The following MAG variants were observed in gnomAD, a reference collection of about 807,000 sequenced individuals.
MAG encodes the protein myelin associated glycoprotein, also known as myelin-associated glycoprotein.
MAG carries 30 observed loss-of-function variants against 60.7 expected under a neutral mutation model. The ratio of observed to expected loss-of-function variants is 0.49; its 90% confidence interval spans 0.37 to 0.67. MAG has a LOEUF of 0.67. Ranked by LOEUF, MAG falls within the 30% of genes least tolerant of loss-of-function variation. MAG has a pLI of 0.00. For synonymous variants in MAG, 384 were observed against 376.8 expected (o/e 1.02, Z -0.22); for missense variants, 795 against 851.7 (o/e 0.93, Z 0.83).
Position 35,295,756 on chromosome 19 carries a change from C to T in MAG, c.190C>T (p.Pro64Ser). 6.2e-7 allele frequency: 1 copy of T among 1,613,960 alleles called. No individual in the cohort carries two copies. The highest frequency in any genetic ancestry group is 2.2e-5 in the East Asian group (1 of 44,882). Residue 64 changes from proline (P) to serine (S), a missense_variant, in exon 4 of 11, where the codon CCC becomes TCC. By Grantham distance (74) the Pro-to-Ser change is moderately conservative. Coordinates refer to ENST00000392213, the MANE Select transcript of MAG (RefSeq NM_002361.4). The surrounding 1 kb of genome is among the most constrained non-coding windows in gnomAD (Gnocchi z 5.8). Reference sequence around the variant, plus strand: ...GCATGGTGTCTGGTACTTCAATAGCCCCTACCCCAAGAACTACCCCCCGGT... The same window carrying T: ...GCATGGTGTCTGGTACTTCAATAGCTCCTACCCCAAGAACTACCCCCCGGT... ...VVHGVWYFNS[P>S]YPKNYPPVVF...
chr19:35,293,861 C>T lies in MAG; in HGVS notation c.-79-374C>T, dbSNP rs2066376055. Among the ~76,000 whole-genome samples, 1 of 152,042 alleles carries T rather than the reference C, an allele frequency of 6.6e-6. No individual in the cohort carries two copies. The highest frequency in any genetic ancestry group is 6.6e-5 in the Admixed American group (1 of 15,262). On this transcript the variant is annotated intron_variant, in intron 1 of 10. Coordinates refer to ENST00000392213, the MANE Select transcript of MAG (RefSeq NM_002361.4). This position sits in a 1 kb window ranked among gnomAD's most constrained non-coding sequence, Gnocchi z 4.0. Reference sequence around the variant, plus strand: ...GGGGTGGGAGAGGGCGGCAGGAATTCACGCGGCATGTCGGGAATGCTGATA... The same window carrying T: ...GGGGTGGGAGAGGGCGGCAGGAATTTACGCGGCATGTCGGGAATGCTGATA...
chr19:35,300,065 GGGGGC>G lies in MAG; in HGVS notation c.713-76_713-72del, dbSNP rs2066436404. ...GCTGAGGGCGGGGCCGGACAGTGTTGGGGGCGGGGCCGGGCTGGGAGAGGGCACTG... is the reference window on the plus strand; with the variant it reads ...GCTGAGGGCGGGGCCGGACAGTGTTGGGGGCCGGGCTGGGAGAGGGCACTG... On this transcript the variant is annotated intron_variant, in intron 5 of 10. Transcript: ENST00000392213. 9 of 1,434,388 alleles carry G rather than the reference GGGGGC, an allele frequency of 6.3e-6. No individual in the cohort carries two copies. The East Asian group carries it at 2.2e-4, about 36-fold the overall frequency. The allele number at this position is 1,434,388 out of a possible 1,614,324, so 88.9% of individuals were successfully genotyped here. A position where few individuals can be genotyped will look rare whatever the true frequency, so the allele number is the denominator to read the frequency against.
chr19:35,310,035 C>T lies in MAG; in HGVS notation c.1393C>T (p.Arg465Cys), dbSNP rs2066514711. The T allele has an allele frequency of 1.9e-6, 3 of 1,613,778 alleles. No homozygotes were observed. Among genetic ancestry groups the T allele is most frequent in the African/African-American group, 1.3e-5 (1 of 74,934 alleles). ...ESEREFVYSE[R>C]SGLVLTSILT... ...CGAGCGGGAGTTCGTGTACTCGGAG[C>T]GCAGCGGCCTCGTGCTCACCAGCAT... The change falls in exon 8 of 11, where the codon CGC becomes TGC. Residue 465 changes from arginine (R) to cysteine (C), a missense_variant. Coordinates refer to ENST00000392213, the MANE Select transcript of MAG (RefSeq NM_002361.4).
intron 10 of MAG, 164 bp downstream of exon 10, chr19:35,312,181 G>A (rs775092857): frequency 2.3e-6 from 3 of 1,311,772 alleles, no homozygotes; most frequent in Non-Finnish European, 3.3e-6. Flanking sequence ...TGGGGAGGAG[G>A]TGCCCAGGCC....
At chr19:35,302,097 G>C (rs1391364482) in intron 6 of MAG, among the ~76,000 whole-genome samples, 2 of 148,274 alleles carry the variant, frequency 1.3e-5, no homozygotes, top group East Asian at 3.9e-4. Flanking sequence ...GTTCAAGCTA[G>C]AGCAATGCCT....
Position 35,309,915 on chromosome 19 carries a change from C to T in MAG, c.1273C>T (p.Arg425Ter). The T allele has an allele frequency of 6.2e-7, 1 of 1,613,628 alleles. No individual in the cohort carries two copies. The highest frequency in any genetic ancestry group is 1.7e-5 in the Admixed American group (1 of 60,018). ...CCTGGAGTCCCACTGCGCGGCAGCC[C>T]GAGACACGGTGCAGTGCCTGTGCGT... is the stretch of plus-strand genomic sequence containing the variant. ...LLLESHCAAA[R>*]DTVQCLCVVK... Residue 425 changes from arginine (R) to a stop codon, truncating the protein, a stop_gained, in exon 8 of 11, where the codon CGA becomes TGA. Coordinates refer to ENST00000392213, the MANE Select transcript of MAG (RefSeq NM_002361.4). LOFTEE classifies it high-confidence loss of function.
At chr19:35,294,033 C>T (rs1469908103) in intron 1 of MAG, among the ~76,000 whole-genome samples, 2 of 152,162 alleles carry the variant, frequency 1.3e-5, no homozygotes, top group African/African-American at 4.8e-5. Context: ...TCCCTCCCCA[C>T]AGTTCTCTGA....
chr19:35,312,139 G>A lies in MAG; in HGVS notation c.1716+122G>A, dbSNP rs964699981. The A allele has an allele frequency of 1.6e-5, 20 of 1,248,160 alleles. No individual in the cohort carries two copies. The African/African-American group carries it at 2.4e-4, about 15-fold the overall frequency. The allele number at this position is 1,248,160 out of a possible 1,614,324, so 77.3% of individuals were successfully genotyped here. On this transcript the variant is annotated intron_variant, in intron 10 of 10. Transcript: ENST00000392213. Reference sequence around the variant, plus strand: ...GCGGCCTCTCACAGGAGGAGAGGAAGGACATTCCAGGGCTGGGTTGGACCT... The same window carrying A: ...GCGGCCTCTCACAGGAGGAGAGGAAAGACATTCCAGGGCTGGGTTGGACCT...
Position 35,295,294 on chromosome 19 carries a change from A to C in MAG, c.-23-92A>C. 1.1e-6 allele frequency: 1 copy of C among 909,806 alleles called. No individual in the cohort carries two copies. The highest frequency in any genetic ancestry group is 1.7e-6 in the Non-Finnish European group (1 of 580,534). 56.4% of individuals were successfully genotyped at this position (909,806 alleles called of 1,614,324 possible). On this transcript the variant is annotated intron_variant, in intron 2 of 10. Coordinates refer to ENST00000392213, the MANE Select transcript of MAG (RefSeq NM_002361.4). This position sits in a 1 kb window ranked among gnomAD's most constrained non-coding sequence, Gnocchi z 5.8. Reference sequence around the variant, plus strand: ...ATAAATAAATAATAATAGCAGCAGCAGCTAACATATGAATGGGCCCCTTCC... The same window carrying C: ...ATAAATAAATAATAATAGCAGCAGCCGCTAACATATGAATGGGCCCCTTCC...
In MAG at chr19:35,310,639, A is replaced by T. The variant is rs1361835121; in HGVS notation, c.1612A>T (p.Arg538Trp). Reference protein sequence around the residue: ...AIVCYITQTRRKKNVTESPSF... With the variant: ...AIVCYITQTRWKKNVTESPSF... Reference sequence around the variant, plus strand: ...CGTCTGCTACATTACCCAGACACGCAGGAAGTGAGTGCCAGCTGGGGCTGA... The same window carrying T: ...CGTCTGCTACATTACCCAGACACGCTGGAAGTGAGTGCCAGCTGGGGCTGA... The change falls in exon 9 of 11, where the codon AGG becomes TGG. Residue 538 changes from arginine to tryptophan, a missense_variant. Physicochemically the swap from Arg to Trp is moderately radical, Grantham distance 101. Transcript: ENST00000392213. The T allele has an allele frequency of 6.2e-7, 1 of 1,613,864 alleles. No homozygotes were observed. Among genetic ancestry groups the T allele is most frequent in the Non-Finnish European group, 8.5e-7 (1 of 1,180,006 alleles).
intron 8 of MAG, 146 bp from the exon 9 acceptor site, chr19:35,310,401 G>A (rs2066518279): frequency 2.4e-6 from 2 of 834,100 alleles, no homozygotes; most frequent in South Asian, 1.7e-5. Flanking sequence ...GCCCTGGCAC[G>A]AGGAGGCTCC....
Position 35,299,848 on chromosome 19 carries a change from A to G in MAG, c.710A>G (p.Lys237Arg). 8.4e-7 allele frequency: 1 copy of G among 1,185,792 alleles called. No homozygotes were observed. Among genetic ancestry groups the G allele is most frequent in the Non-Finnish European group, 1.1e-6 (1 of 936,264 alleles). The allele number at this position is 1,185,792 out of a possible 1,614,324, so 73.5% of individuals were successfully genotyped here. Residue 237 changes from lysine (K) to arginine (R), a missense_variant and splice_region_variant, in exon 5 of 11, where the codon AAG becomes AGG. Coordinates refer to ENST00000392213, the MANE Select transcript of MAG (RefSeq NM_002361.4). ...QFEGYASMDV[K>R]YPPVIVEMNS... is the part of the protein sequence containing the mutation. The stretch of plus-strand genomic sequence containing the variant: ...GAGGGCTACGCCAGCATGGACGTCA[A>G]GTGTGAGCCTGGGTGCGGGCGGGGC...
Position 35,311,166 on chromosome 19 carries a change from T to TA in MAG, c.1616+531dup, listed in dbSNP as rs545789149. On this transcript the variant is annotated intron_variant, in intron 9 of 10. Coordinates refer to ENST00000392213, the MANE Select transcript of MAG (RefSeq NM_002361.4). ...GGGCAACATAGCAAGACCACATCTC[T>TA]AAAAAAAATTTTTTTTTAATTAGCC... Among the ~76,000 whole-genome samples the TA allele has an allele frequency of 2.1e-4, 32 of 151,962 alleles. No homozygotes were observed. In the South Asian group the frequency reaches 5.2e-3, roughly 25 times the overall value.
intron 7 of MAG, among the ~76,000 whole-genome samples, chr19:35,304,996 C>T (rs2066473701): frequency 6.6e-6 from 1 of 152,170 alleles, no homozygotes; most frequent in Non-Finnish European, 1.5e-5. Flanking sequence ...CCTGTCTGCC[C>T]CAGCTGTTAA....
rs1288704409 is a variant in MAG at position 35,299,840 on chromosome 19, G to C, written c.702G>C (p.Met234Ile). The C allele has an allele frequency of 2.7e-6, 4 of 1,473,778 alleles. No homozygotes were observed. In the East Asian group the frequency reaches 1.1e-4, roughly 39 times the overall value. The allele number at this position is 1,473,778 out of a possible 1,614,324, so 91.3% of individuals were successfully genotyped here. A position where few individuals can be genotyped will look rare whatever the true frequency, so the allele number is the denominator to read the frequency against. ...TGCAGTTCGAGGGCTACGCCAGCAT[G>C]GACGTCAAGTGTGAGCCTGGGTGCG... Reference protein sequence around the residue: ...TTLQFEGYASMDVKYPPVIVE... With the variant: ...TTLQFEGYASIDVKYPPVIVE... Residue 234 changes from methionine (M) to isoleucine (I), a missense_variant, in exon 5 of 11, where the codon ATG becomes ATC. Coordinates refer to ENST00000392213, the MANE Select transcript of MAG (RefSeq NM_002361.4).
In MAG at chr19:35,293,186, G is replaced by A. The variant is rs1330097595; in HGVS notation, c.-80+982G>A. On this transcript the variant is annotated intron_variant, in intron 1 of 10. Coordinates refer to ENST00000392213, the MANE Select transcript of MAG (RefSeq NM_002361.4). This position sits in a 1 kb window ranked among gnomAD's most constrained non-coding sequence, Gnocchi z 4.0. ...GGGCAGCGTCGGCCAGGTGTCCATC[G>A]GCGCGTGTCTGAGTGGACGCGTCTA... 2.0e-5 allele frequency among the ~76,000 whole-genome samples: 3 copies of A among 152,082 alleles called. No individual in the cohort carries two copies. The highest frequency in any genetic ancestry group is 4.4e-5 in the Non-Finnish European group (3 of 68,028).
chr19:35,308,143 C>A (rs1032002343), intron 7 of MAG, among the ~76,000 whole-genome samples: 1 of 152,010 alleles, frequency 6.6e-6, no homozygotes, highest in Non-Finnish European at 1.5e-5. Flanking sequence ...GGGAGGAGAA[C>A]TGAGTGAGGC....
chr19:35,308,885 C>T lies in MAG; in HGVS notation c.1232-989C>T, dbSNP rs184511464. On this transcript the variant is annotated intron_variant, in intron 7 of 10. Transcript: ENST00000392213. ...ATCCCAGCACTTTGGGAGGCTGAGG[C>T]GGGAGGATCACTAGAGGCCAAGAGT... Among the ~76,000 whole-genome samples, 212 of 152,210 alleles carry T rather than the reference C, an allele frequency of 1.4e-3. 1 individual carries two copies. The highest frequency in any genetic ancestry group is 0.012 in the Admixed American group (187 of 15,284).
At chr19:35,299,920 G>T (rs1340324594) in intron 5 of MAG, 70 bp downstream of exon 5, 50 of 1,241,260 alleles carry the variant, frequency 4.0e-5, no homozygotes, top group Non-Finnish European at 4.6e-5. Context: ...GTGGACCTGG[G>T]GATGCGGCCG....
Sources: gnomAD v4.1 joint callset for allele counts (sites outside exome capture counted in the v4.1 genomes callset) on GRCh38, gnomAD v4.1.1 for gene constraint, Gnocchi (gnomAD v3.1) non-coding constraint, MANE v1.5 for transcripts, NCBI Gene and HGNC (gene_info 2026-07-23, HGNC 2026-07-21) for gene names.